C5: variants seen among roughly 807,000 people sequenced by gnomAD.
C5 encodes C3 and PZP-like alpha-2-macroglobulin domain-containing protein 4.
Under a neutral mutation model 218.8 loss-of-function variants are expected in C5, and 140 were observed. The observed-to-expected ratio is 0.64, with a 90% CI of 0.56 to 0.74. The LOEUF (loss-of-function observed/expected upper bound fraction) is 0.74. C5 is among the 30% of genes least tolerant of loss of function. The pLI is 0.00. For synonymous variants in C5, 614 were observed against 682.3 expected, an observed-to-expected ratio of 0.90 and a Z score of 1.56; for missense variants, 1,700 against 1,969.6, an observed-to-expected ratio of 0.86 and a Z score of 2.59.
At chr9:121,061,960 CTA>C in the C5 span, among the ~76,000 whole-genome samples, 8 of 152,202 alleles carry the variant, frequency 5.3e-5, no homozygotes, top group Admixed American at 4.6e-4. Flanking sequence ...CCCTTTCTTT[CTA>C]TGTTATCATA....
intron 12 of C5, among the ~76,000 whole-genome samples, chr9:121,018,747 AAGGAAGGAAGGAAGG>A (rs1564154002): frequency 0.013 from 1,036 of 78,270 alleles, 23 homozygotes; most frequent in African/African-American, 0.05. Flanking sequence ...GAAGGAAAGG[AAGGAAGGAAGGAAGG>A]AAGGAAGGAA....
At position 120,978,109 on chromosome 9, in the gene C5, T is replaced by C. The variant is rs1367386795; in HGVS notation, c.3659-1204A>G. On this transcript the variant is annotated intron_variant, in intron 28 of 40. Transcript: ENST00000223642. ...GATTAAACCTAAAGCCTTAGTTCAG[T>C]CTTTCATTATTTCTTTCCAATTTAA... 2.0e-5 allele frequency among the ~76,000 whole-genome samples: 3 copies of C among 152,138 alleles called. No individual in the cohort carries two copies. The East Asian group carries it at 5.8e-4, about 29-fold the overall frequency.
At chr9:121,025,043 T>C (rs1308827433) in intron 9 of C5, among the ~76,000 whole-genome samples, 1 of 152,248 alleles carries the variant, frequency 6.6e-6, no homozygotes, top group Non-Finnish European at 1.5e-5. Flanking sequence ...ATAATAATGA[T>C]AATAGTAATA....
At chr9:120,971,171 CAA>C (rs1156915974) in intron 31 of C5, among the ~76,000 whole-genome samples, 7 of 57,942 alleles carry the variant, frequency 1.2e-4, no homozygotes, top group Admixed American at 2.0e-4. Flanking sequence ...GACTCCATCT[CAA>C]AAAAAAAAAA....
chr9:121,008,587 T>A (rs1587975931), intron 17 of C5, 89 bp from the exon 18 acceptor site: 1 of 938,980 alleles, frequency 1.1e-6, no homozygotes, highest in Non-Finnish European at 1.7e-6. Context: ...AATCTGTAAC[T>A]TAAGCATTTT....
chr9:120,991,086 G>A, intron 23 of C5, 105 bp downstream of exon 23: 2 of 762,640 alleles, frequency 2.6e-6, no homozygotes, highest in Non-Finnish European at 4.7e-6. Context: ...ATTTGTGTGT[G>A]CTACTGAACA....
chr9:121,008,903 C>T (rs7865689), intron 17 of C5, among the ~76,000 whole-genome samples: 18,186 of 151,458 alleles, frequency 0.12, 1,572 homozygotes, highest in African/African-American at 0.23. Flanking sequence ...GCACTCCAGC[C>T]TGGGTAACAG....
chr9:121,056,789 G>C, the C5 span, among the ~76,000 whole-genome samples: 1 of 152,112 alleles, frequency 6.6e-6, no homozygotes, highest in African/African-American at 2.4e-5. Context: ...TAGAGAGAGA[G>C]AGAGAAAAAT....
At chr9:121,052,184 C>T (rs1286335148), upstream of C5, among the ~76,000 whole-genome samples, 7 of 152,084 alleles carry the variant, frequency 4.6e-5, no homozygotes, top group South Asian at 2.1e-4. Flanking sequence ...AGGCTGGGCA[C>T]GCTGGCTCAC....
chr9:120,998,590 A>G (rs1458136101), intron 20 of C5, among the ~76,000 whole-genome samples: 2 of 152,178 alleles, frequency 1.3e-5, no homozygotes, highest in African/African-American at 4.8e-5. Flanking sequence ...AATTTTATCA[A>G]CTTCCCATTT....
At chr9:121,028,343 C>G (rs10985131) in intron 7 of C5, among the ~76,000 whole-genome samples, 490 of 152,126 alleles carry the variant, frequency 3.2e-3, no homozygotes, top group African/African-American at 0.011. Context: ...TCCATTACTG[C>G]GTATATACCC....
chr9:121,050,255 G>A lies in C5; in HGVS notation c.-9C>T. 6.2e-7 allele frequency: 1 copy of A among 1,612,482 alleles called. No homozygotes were observed. Among genetic ancestry groups the A allele is most frequent in the Non-Finnish European group, 8.5e-7 (1 of 1,178,522 alleles). On this transcript the variant is annotated 5_prime_UTR_variant, in exon 1 of 41. Coordinates refer to ENST00000223642, the MANE Select transcript of C5 (RefSeq NM_001735.3). ...ATTCCCAAAAGGCCCATGGTTGGAG[G>A]TAGCAGGAAACCACGGATATAACAC... is the stretch of plus-strand genomic sequence containing the variant.
At chr9:121,015,173 T>C in intron 16 of C5, 26 bp downstream of exon 16, 2 of 1,487,788 alleles carry the variant, frequency 1.3e-6, no homozygotes. Context: ...CATAACCTTT[T>C]TACAATCACA....
Position 121,043,055 on chromosome 9 carries a change from C to T in C5, c.370G>A (p.Gly124Arg). ...TTGTCTGTATGAATGAAGAGAAATC[C>T]ATTGTCATAGGTTATTGGCATTCTT... The part of the protein sequence containing the change: ...SKRMPITYDN[G>R]FLFIHTDKPV... The change falls in exon 3 of 41, where the codon GGA (glycine) becomes AGA (arginine). Residue 124 changes from glycine to arginine, a missense_variant. Physicochemically the swap from Gly to Arg is moderately radical, Grantham distance 125. Transcript: ENST00000223642. 1 of 1,612,920 alleles carries T rather than the reference C, an allele frequency of 6.2e-7. No homozygotes were observed. The highest frequency in any genetic ancestry group is 1.7e-5 in the Admixed American group (1 of 59,986).
chr9:120,973,963 A>T (rs1444676067), intron 30 of C5, among the ~76,000 whole-genome samples: 1 of 148,948 alleles, frequency 6.7e-6, no homozygotes, highest in Admixed American at 6.6e-5. Flanking sequence ...ACAAGAGCGA[A>T]ACTCCATCTC....
intron 17 of C5, among the ~76,000 whole-genome samples, chr9:121,013,462 G>C (rs898768969): frequency 6.6e-6 from 1 of 152,092 alleles, no homozygotes; most frequent in Non-Finnish European, 1.5e-5. Context: ...TTAACCTTAG[G>C]CTAGATTTAG....
intron 20 of C5, among the ~76,000 whole-genome samples, chr9:121,000,558 T>A (rs1159970266): frequency 6.6e-6 from 1 of 152,178 alleles, no homozygotes; most frequent in Non-Finnish European, 1.5e-5. Context: ...ATGAATTCCT[T>A]AACAAATACT....
the C5 span, among the ~76,000 whole-genome samples, chr9:121,069,568 C>A: frequency 6.6e-6 from 1 of 151,076 alleles, no homozygotes; most frequent in Admixed American, 6.6e-5. Context: ...GGCGGCATTG[C>A]AGTGGCATGA....
At chr9:120,996,654 C>T (rs2047118661) in intron 21 of C5, among the ~76,000 whole-genome samples, 2 of 152,234 alleles carry the variant, frequency 1.3e-5, no homozygotes, top group Admixed American at 1.3e-4. Context: ...AACACTGTCA[C>T]ACTGCTAGGA....
Sources: gnomAD v4.1 joint callset for allele counts (sites outside exome capture counted in the v4.1 genomes callset) on GRCh38, gnomAD v4.1.1 for gene constraint, MANE v1.5 for transcripts, NCBI Gene and HGNC (gene_info 2026-07-23, HGNC 2026-07-21) for gene names.